NAA16: variants seen among roughly 807,000 people sequenced by gnomAD.
NAA16 encodes the protein NARG1-like protein.
NAA16 carries 97 observed loss-of-function variants against 110.3 expected under a neutral mutation model. The observed-to-expected ratio is 0.88, with a 90% CI of 0.75 to 1.04. The LOEUF (loss-of-function observed/expected upper bound fraction) is 1.04, where lower values mean the gene tolerates loss of function less well. NAA16 is among the 50% of genes least tolerant of loss of function. The pLI is 0.00. For missense variants in NAA16, 1,017 were observed against 1,005.1 expected (o/e 1.01, Z -0.16); for synonymous variants, 372 against 330.6 (o/e 1.13, Z -1.36).
chr13:41,372,268 C>T lies in NAA16; in HGVS notation c.2013C>T (p.Asn671=), dbSNP rs1458726887. ...CTCTTAAGAACCTTGTTGCTGATAACATTGACACTCATCTGTTAGCATTTG... is the reference window on the plus strand; with the variant it reads ...CTCTTAAGAACCTTGTTGCTGATAATATTGACACTCATCTGTTAGCATTTG... ...LIPLKNLVAD[N]IDTHLLAFEI... The change falls in exon 16 of 20, where the codon AAC becomes AAT. Residue 671 remains asparagine (N), a synonymous_variant. Transcript: ENST00000379406. 1 of 1,601,238 alleles carries T rather than the reference C, an allele frequency of 6.2e-7. No individual in the cohort carries two copies. Among genetic ancestry groups the T allele is most frequent in the South Asian group, 1.1e-5 (1 of 88,408 alleles).
intron 15 of NAA16, among the ~76,000 whole-genome samples, chr13:41,369,665 A>T (rs1188253880): frequency 6.6e-6 from 1 of 152,148 alleles, no homozygotes; most frequent in Non-Finnish European, 1.5e-5. Flanking sequence ...AAGGGGCCTT[A>T]AAAGTTGAGG....
At chr13:41,365,852 A>G (rs1211674366) in intron 13 of NAA16, among the ~76,000 whole-genome samples, 4 of 152,200 alleles carry the variant, frequency 2.6e-5, no homozygotes, top group Admixed American at 6.5e-5. Flanking sequence ...GCTGCTAGGA[A>G]TATCTCTTGA....
chr13:41,331,448 C>G, intron 8 of NAA16, 79 bp downstream of exon 8: 1 of 1,072,016 alleles, frequency 9.3e-7, no homozygotes, highest in Non-Finnish European at 1.4e-6. Context: ...AAACGTGTTT[C>G]TGGTATAGAG....
chr13:41,374,912 T>C, intron 19 of NAA16, 73 bp downstream of exon 19: 1 of 861,054 alleles, frequency 1.2e-6, no homozygotes, highest in Non-Finnish European at 1.9e-6. Flanking sequence ...AGCATAATTC[T>C]TGAGTAGGCC....
At chr13:41,331,176 G>T in intron 7 of NAA16, 98 bp from the exon 8 acceptor site, 1 of 681,538 alleles carries the variant, frequency 1.5e-6, no homozygotes. Context: ...TATTGTTAAT[G>T]CAGTTTTATT....
At chr13:41,371,761 G>A (rs980750630) in intron 15 of NAA16, among the ~76,000 whole-genome samples, 22 of 152,176 alleles carry the variant, frequency 1.4e-4, no homozygotes, top group African/African-American at 5.1e-4. Flanking sequence ...ATTTTCAACT[G>A]CACTGGGGGT....
Position 41,331,287 on chromosome 13 carries a change from G to C in NAA16, c.825G>C (p.Glu275Asp), listed in dbSNP as rs148952361. ...TACTGATAATAGGCACTTTAGAAGAGAGGCTTCAAATTTATGAAGAAATTA... is the reference window on the plus strand; with the variant it reads ...TACTGATAATAGGCACTTTAGAAGACAGGCTTCAAATTTATGAAGAAATTA... Reference protein sequence around the residue: ...EKALQISTLEERLQIYEEISK... With the variant: ...EKALQISTLEDRLQIYEEISK... Residue 275 changes from glutamate (E) to aspartate (D), a missense_variant, in exon 8 of 20, where the codon GAG becomes GAC. Transcript: ENST00000379406. The C allele has an allele frequency of 1.4e-4, 222 of 1,608,012 alleles. No homozygotes were observed. The highest frequency in any genetic ancestry group is 1.6e-4 in the Non-Finnish European group (191 of 1,176,054).
chr13:41,342,417 C>T (rs544071662), intron 9 of NAA16, among the ~76,000 whole-genome samples: 9 of 152,306 alleles, frequency 5.9e-5, no homozygotes, highest in Admixed American at 1.3e-4. Context: ...GGGTTACAGA[C>T]GTGAACCATC....
chr13:41,352,960 T>A (rs1209830112), intron 9 of NAA16, among the ~76,000 whole-genome samples: 1 of 151,976 alleles, frequency 6.6e-6, no homozygotes, highest in Admixed American at 6.6e-5. Context: ...CTACTAAAAA[T>A]AGAAAAATTA....
intron 7 of NAA16, among the ~76,000 whole-genome samples, chr13:41,329,498 A>G (rs1172504016): frequency 1.3e-5 from 2 of 151,490 alleles, no homozygotes; most frequent in Non-Finnish European, 3.0e-5. Context: ...AGATGTTGAA[A>G]CAGCAGAATT....
In NAA16 at chr13:41,320,681, G is replaced by A; in HGVS notation, c.259G>A (p.Gly87Arg). 1.2e-6 allele frequency: 2 copies of A among 1,608,568 alleles called. No individual in the cohort carries two copies. Among genetic ancestry groups the A allele is most frequent in the Non-Finnish European group, 1.7e-6 (2 of 1,178,388 alleles). ...VKSHVCWHVY[G>R]LLQRSDKKYD... Reference sequence around the variant, plus strand: ...TAACTTAATAGGTTGGCATGTATATGGACTCTTGCAGCGTTCTGATAAAAA... The same window carrying A: ...TAACTTAATAGGTTGGCATGTATATAGACTCTTGCAGCGTTCTGATAAAAA... Residue 87 changes from glycine to arginine, a missense_variant, in exon 4 of 20, where the codon GGA becomes AGA. Gly to Arg is a moderately radical substitution (Grantham distance 125). Transcript: ENST00000379406.
Position 41,328,820 on chromosome 13 carries a change from G to T in NAA16, c.788G>T (p.Gly263Val). 1 of 1,603,828 alleles carries T rather than the reference G, an allele frequency of 6.2e-7. No homozygotes were observed. The highest frequency in any genetic ancestry group is 8.5e-7 in the Non-Finnish European group (1 of 1,171,782). ...RNAENWCYYE[G>V]LEKALQISTL... is the part of the protein sequence containing the mutation. Reference sequence around the variant, plus strand: ...GCAGAAAATTGGTGTTATTATGAAGGCTTGGAAAAAGCTCTACAAATTAGT... The same window carrying T: ...GCAGAAAATTGGTGTTATTATGAAGTCTTGGAAAAAGCTCTACAAATTAGT... The change falls in exon 7 of 20, where the codon GGC (glycine) becomes GTC (valine). Residue 263 changes from glycine to valine, a missense_variant. Gly to Val is a moderately radical substitution (Grantham distance 109). Transcript: ENST00000379406.
At chr13:41,359,613 G>A (rs2043069936) in intron 12 of NAA16, among the ~76,000 whole-genome samples, 1 of 152,110 alleles carries the variant, frequency 6.6e-6, no homozygotes, top group Non-Finnish European at 1.5e-5. Flanking sequence ...ATATATTGCT[G>A]GGACAATTAG....
At chr13:41,363,765 A>T (rs2043157837) in intron 13 of NAA16, among the ~76,000 whole-genome samples, 1 of 152,196 alleles carries the variant, frequency 6.6e-6, no homozygotes, top group Admixed American at 6.5e-5. Context: ...GTCATGTTAC[A>T]TAATTATTAT....
chr13:41,316,721 G>A (rs1274473396), intron 1 of NAA16, 125 bp from the exon 2 acceptor site: 1 of 631,754 alleles, frequency 1.6e-6, no homozygotes, highest in Admixed American at 2.4e-5. Context: ...GTTTGTAAGT[G>A]ATATCCTTTC....
At chr13:41,332,918 C>T (rs955975416) in intron 8 of NAA16, among the ~76,000 whole-genome samples, 1 of 152,132 alleles carries the variant, frequency 6.6e-6, no homozygotes, top group Admixed American at 6.5e-5. Context: ...TAGTGTTCTT[C>T]TGATCCTCCA....
intron 2 of NAA16, 106 bp downstream of exon 2, chr13:41,317,036 A>G (rs2483103): frequency 0.062 from 46,246 of 741,956 alleles, 1,809 homozygotes; most frequent in Middle Eastern, 0.083. Context: ...GCAGTTCTCT[A>G]TTAGAGTGCA....
intron 14 of NAA16, among the ~76,000 whole-genome samples, chr13:41,368,477 AT>A (rs1227087855): frequency 6.6e-6 from 1 of 152,184 alleles, no homozygotes; most frequent in Non-Finnish European, 1.5e-5. Context: ...ATTTTAGTTA[AT>A]GCAACATTTA....
Position 41,359,610 on chromosome 13 carries a change from G to T in NAA16, c.1410+648G>T, listed in dbSNP as rs147909423. ...TAAAAATCAGAGATGAAAATATATT[G>T]CTGGGACAATTAGTTACTCCTGTTG... On this transcript the variant is annotated intron_variant, in intron 12 of 19. Transcript: ENST00000379406. 9.2e-5 allele frequency among the ~76,000 whole-genome samples: 14 copies of T among 152,270 alleles called. No homozygotes were observed. The East Asian group carries it at 2.1e-3, about 23-fold the overall frequency.
Sources: allele counts gnomAD v4.1 joint callset (sites outside exome capture counted in the v4.1 genomes callset), GRCh38; gene constraint gnomAD v4.1.1; transcripts MANE v1.5; gene names NCBI Gene and HGNC (gene_info 2026-07-23, HGNC 2026-07-21).